The following VPS13B variants were observed in gnomAD, a reference collection of about 807,000 sequenced individuals.
VPS13B encodes vacuolar protein sorting 13 homolog B.
Under a neutral mutation model 426.4 loss-of-function variants are expected in VPS13B, and 285 were observed. The observed-to-expected ratio is 0.67, with a 90% confidence interval of 0.61 to 0.74. The LOEUF is 0.74. Among genes scored for constraint, VPS13B ranks in the 30% least tolerant of loss-of-function variants. The pLI, the probability that VPS13B is intolerant of heterozygous loss-of-function variation, is 0.00. For missense variants in VPS13B, 4,537 were observed against 4,782.6 expected (o/e 0.95, Z 1.51); for synonymous variants, 1,676 against 1,676.4 (o/e 1.00, Z 0.01).
At chr8:99,024,107 G>C (rs1587927115) in intron 2 of VPS13B, among the ~76,000 whole-genome samples, 5 of 152,162 alleles carry the variant, frequency 3.3e-5, no homozygotes, top group Admixed American at 2.6e-4. Context: ...TATTCTAACT[G>C]ATATGATACC....
At chr8:99,661,172 T>C (rs1194941664) in intron 34 of VPS13B, among the ~76,000 whole-genome samples, 182 bp from the exon 35 acceptor site, 1 of 152,144 alleles carries the variant, frequency 6.6e-6, no homozygotes, top group Non-Finnish European at 1.5e-5. Context: ...CATTGTACAG[T>C]GATAGTTTAT....
intron 33 of VPS13B, among the ~76,000 whole-genome samples, chr8:99,621,363 G>A (rs1828340099): frequency 6.6e-6 from 1 of 152,138 alleles, no homozygotes; most frequent in South Asian, 2.1e-4. Context: ...ACAATAGTTA[G>A]GACAAGATCT....
At chr8:99,064,313 C>T (rs1844356993) in intron 3 of VPS13B, among the ~76,000 whole-genome samples, 1 of 152,072 alleles carries the variant, frequency 6.6e-6, no homozygotes, top group Non-Finnish European at 1.5e-5. Context: ...ATTCTCTGAG[C>T]TAAAGGAGGA....
intron 3 of VPS13B, among the ~76,000 whole-genome samples, chr8:99,079,267 G>A (rs908154271): frequency 6.6e-6 from 1 of 152,052 alleles, no homozygotes; most frequent in Non-Finnish European, 1.5e-5. Context: ...AGGTGGGGTG[G>A]TCTTGTTGTC....
chr8:99,507,230 T>C, intron 28 of VPS13B, 27 bp downstream of exon 28: 1 of 1,608,142 alleles, frequency 6.2e-7, no homozygotes, highest in Non-Finnish European at 8.5e-7. Context: ...TACTATGATT[T>C]TTGAAAATGT....
In VPS13B at chr8:99,121,450, G is replaced by A; in HGVS notation, c.1206+5G>A. The A allele has an allele frequency of 6.2e-7, 1 of 1,614,016 alleles. No homozygotes were observed. Among genetic ancestry groups the A allele is most frequent in the Non-Finnish European group, 8.5e-7 (1 of 1,179,962 alleles). On this transcript the variant is annotated splice_donor_5th_base_variant and intron_variant, in intron 8 of 61. Coordinates refer to ENST00000357162, the MANE Select transcript of VPS13B (RefSeq NM_152564.5). ...AAGGCAACGGTGACTTTCAAAGTAG[G>A]TCTTTTCTCTTGCTGTTTATATCTC...
rs560000562 is a variant in VPS13B, at chr8:99,360,198, C to G, written c.2825-24010C>G. The stretch of plus-strand genomic sequence containing the variant: ...TCTTTCTTTCTTTCTTTCTCTCTCT[C>G]TCTCTCTCTCTCTTTCTTTCTTTCT... On this transcript the variant is annotated intron_variant, in intron 19 of 61. Transcript: ENST00000357162. Among the ~76,000 whole-genome samples the G allele has an allele frequency of 2.3e-3, 96 of 41,576 alleles. 1 individual carries two copies. Among genetic ancestry groups the G allele is most frequent in the Non-Finnish European group, 4.1e-3 (85 of 20,520 alleles). The allele number at this position is 41,576 out of a possible 152,430, so 27.3% of individuals were successfully genotyped here. A position where few individuals can be genotyped will look rare whatever the true frequency, so the allele number is the denominator to read the frequency against.
intron 33 of VPS13B, among the ~76,000 whole-genome samples, chr8:99,592,443 T>G (rs2133841494): frequency 6.6e-6 from 1 of 152,200 alleles, no homozygotes; most frequent in South Asian, 2.1e-4. Context: ...TTTCTCCCCA[T>G]CTTTGTGGTT....
intron 33 of VPS13B, among the ~76,000 whole-genome samples, chr8:99,630,348 G>A (rs555904968): frequency 1.3e-5 from 2 of 151,700 alleles, no homozygotes; most frequent in South Asian, 2.1e-4. Flanking sequence ...TTCATCTTTT[G>A]TGTCTTTTTT....
chr8:99,377,843 G>C (rs553860900), intron 19 of VPS13B, among the ~76,000 whole-genome samples: 26 of 152,330 alleles, frequency 1.7e-4, no homozygotes, highest in Admixed American at 4.6e-4. Flanking sequence ...GGGTCACAGA[G>C]ATCACATGGT....
intron 19 of VPS13B, among the ~76,000 whole-genome samples, chr8:99,327,652 A>G (rs1810345711): frequency 6.6e-6 from 1 of 152,180 alleles, no homozygotes; most frequent in African/African-American, 2.4e-5. Context: ...CACTATCTGA[A>G]TCTGGTGGCA....
At chr8:99,598,137 A>C (rs553556092) in intron 33 of VPS13B, among the ~76,000 whole-genome samples, 10 of 152,034 alleles carry the variant, frequency 6.6e-5, no homozygotes, top group Non-Finnish European at 1.2e-4. Flanking sequence ...TGAGCAATAG[A>C]GAGAAGTTGG....
At chr8:99,475,366 C>G (rs1412478418) in intron 24 of VPS13B, among the ~76,000 whole-genome samples, 3 of 152,150 alleles carry the variant, frequency 2.0e-5, no homozygotes, top group Admixed American at 2.0e-4. Context: ...CCCCCTGCTA[C>G]TTGGAGTTAT....
chr8:99,386,927 C>A (rs371599178), intron 20 of VPS13B, among the ~76,000 whole-genome samples: 28 of 152,194 alleles, frequency 1.8e-4, no homozygotes, highest in African/African-American at 6.7e-4. Context: ...AATGATCACA[C>A]CACTGTACTC....
chr8:99,516,781 G>A (rs1478015456), intron 29 of VPS13B, among the ~76,000 whole-genome samples: 3 of 97,408 alleles, frequency 3.1e-5, no homozygotes, highest in Admixed American at 3.2e-4. Flanking sequence ...GGAGGAGACC[G>A]TGTCTCAAAA....
intron 42 of VPS13B, among the ~76,000 whole-genome samples, chr8:99,779,661 A>G (rs945579327): frequency 2.0e-5 from 3 of 152,208 alleles, no homozygotes; most frequent in African/African-American, 4.8e-5. Context: ...GCGTAAGTCT[A>G]TGATAAGTGG....
intron 33 of VPS13B, among the ~76,000 whole-genome samples, chr8:99,604,497 T>TC (rs1196525234): frequency 7.7e-6 from 1 of 129,676 alleles, no homozygotes; most frequent in Admixed American, 7.7e-5. Context: ...TCCTTGGTGT[T>TC]TTTTTTTTTT....
At chr8:99,572,207 A>G (rs977140740) in intron 31 of VPS13B, among the ~76,000 whole-genome samples, 2 of 152,220 alleles carry the variant, frequency 1.3e-5, no homozygotes, top group African/African-American at 4.8e-5. Context: ...AATGAAAACT[A>G]AGAATATACG....
intron 6 of VPS13B, among the ~76,000 whole-genome samples, chr8:99,115,385 T>C (rs1847601992): frequency 6.6e-6 from 1 of 152,100 alleles, no homozygotes; most frequent in Non-Finnish European, 1.5e-5. Context: ...GAGTAGCTAT[T>C]TGGTTATATA....
Sources: allele counts gnomAD v4.1 joint callset (sites outside exome capture counted in the v4.1 genomes callset), GRCh38; gene constraint gnomAD v4.1.1; transcripts MANE v1.5; gene names NCBI Gene and HGNC (gene_info 2026-07-23, HGNC 2026-07-21).